Variants in TIGD6 observed in about 807,000 individuals in gnomAD.
TIGD6 encodes tigger transposable element derived 6, also known as tigger transposable element-derived protein 6.
In TIGD6, 1 loss-of-function variant was observed where a neutral mutation model predicts 2.6. That is an observed-to-expected ratio of 0.39 (90% confidence interval 0.14 to 1.85). TIGD6 has a LOEUF of 1.85. Ranked by LOEUF, TIGD6 falls within the 40% of genes most tolerant of loss-of-function variation. TIGD6 has a pLI of 0.32. For missense variants in TIGD6, 601 were observed against 634.2 expected (o/e 0.95, Z 0.56); for synonymous variants, 193 against 221.9 (o/e 0.87, Z 1.16).
chr5:149,996,113 T>A lies in TIGD6; in HGVS notation c.236A>T (p.Asp79Val), dbSNP rs1347806150. ...TTGAAACCAAGCAAAAACAGCCTTATCAATGTCATCATAAAGAGCGCTCCT... is the reference window on the plus strand; with the variant it reads ...TTGAAACCAAGCAAAAACAGCCTTAACAATGTCATCATAAAGAGCGCTCCT... Reference protein sequence around the residue: ...RMRSALYDDIDKAVFAWFQEI... With the variant: ...RMRSALYDDIVKAVFAWFQEI... Residue 79 changes from aspartate to valine, a missense_variant, in exon 2 of 2, where the codon GAT (aspartate) becomes GTT (valine). By Grantham distance (152) the Asp-to-Val change is radical (BLOSUM62 -3). Coordinates refer to ENST00000296736, the MANE Select transcript of TIGD6 (RefSeq NM_030953.4). 1 of 1,614,064 alleles carries A rather than the reference T, an allele frequency of 6.2e-7. No individual in the cohort carries two copies. Among genetic ancestry groups the A allele is most frequent in the Non-Finnish European group, 8.5e-7 (1 of 1,180,044 alleles).
intron 1 of TIGD6, among the ~76,000 whole-genome samples, chr5:149,998,108 G>A (rs1057138917): frequency 1.3e-5 from 2 of 151,898 alleles, no homozygotes; most frequent in Non-Finnish European, 1.5e-5. Flanking sequence ...CCAGCCTGGC[G>A]ACAGAGCGAG....
At chr5:149,998,033 G>C (rs1338216782) in intron 1 of TIGD6, among the ~76,000 whole-genome samples, 1 of 152,214 alleles carries the variant, frequency 6.6e-6, no homozygotes, top group Non-Finnish European at 1.5e-5. Flanking sequence ...GGGAGGCAGA[G>C]GCACAAGAAT....
chr5:149,999,809 AG>A (rs1351643820), intron 1 of TIGD6: 1 of 152,266 alleles, frequency 6.6e-6, no homozygotes, highest in Non-Finnish European at 1.5e-5. Flanking sequence ...AGACATAGAA[AG>A]AGAATGAAGC....
rs140131784 is a variant in TIGD6, at chr5:149,996,078, C to A, written c.271G>T (p.Ala91Ser). Reference protein sequence around the residue: ...AVFAWFQEIHAKNILVTGSVI... With the variant: ...AVFAWFQEIHSKNILVTGSVI... ...GAACCAGTCACAAGAATGTTTTTGG[C>A]ATGGATTTCTTGAAACCAAGCAAAA... is the stretch of plus-strand genomic sequence containing the variant. Residue 91 changes from alanine (A) to serine (S), a missense_variant, in exon 2 of 2, where the codon GCC becomes TCC. By Grantham distance (99) the Ala-to-Ser change is moderately conservative (BLOSUM62 1). Coordinates refer to ENST00000296736, the MANE Select transcript of TIGD6 (RefSeq NM_030953.4). The A allele has an allele frequency of 1.2e-6, 2 of 1,613,822 alleles. No homozygotes were observed. The highest frequency in any genetic ancestry group is 4.5e-5 in the East Asian group (2 of 44,900).
intron 1 of TIGD6, among the ~76,000 whole-genome samples, chr5:149,997,712 C>G (rs891357386): frequency 6.6e-6 from 1 of 151,910 alleles, no homozygotes; most frequent in African/African-American, 2.4e-5. Context: ...GTAATCCCAG[C>G]ACTTTGGGAG....
chr5:149,995,912 A>G lies in TIGD6; in HGVS notation c.437T>C (p.Leu146Ser), dbSNP rs1211480603. The G allele has an allele frequency of 6.2e-7, 1 of 1,613,926 alleles. No homozygotes were observed. Among genetic ancestry groups the G allele is most frequent in the Non-Finnish European group, 8.5e-7 (1 of 1,180,042 alleles). ...KAVCREDSDRLMNGLGIDKIN... is the reference protein window; with the variant it reads ...KAVCREDSDRSMNGLGIDKIN... The stretch of plus-strand genomic sequence containing the variant: ...CTTATCTATTCCTAGACCATTCATT[A>G]ACCTGTCACTATCTTCTCTACAGAC... The change falls in exon 2 of 2, where the codon TTA (leucine) becomes TCA (serine). Residue 146 changes from leucine to serine, a missense_variant. Transcript: ENST00000296736.
At chr5:149,997,124 A>G (rs1462471952) in intron 1 of TIGD6, among the ~76,000 whole-genome samples, 1 of 152,264 alleles carries the variant, frequency 6.6e-6, no homozygotes, top group African/African-American at 2.4e-5. Context: ...AATAAAGACT[A>G]TGACAAAGAA....
chr5:149,994,129 T>G lies in TIGD6; in HGVS notation c.*654A>C, dbSNP rs1755321299. 1 of 152,208 alleles carries G rather than the reference T, an allele frequency of 6.6e-6. No individual in the cohort carries two copies. Among genetic ancestry groups the G allele is most frequent in the Middle Eastern group, 3.2e-3 (1 of 316 alleles). 9.4% of individuals were successfully genotyped at this position (152,208 alleles called of 1,614,324 possible). ...TTGCTTTATTTAAATTGGCTCAATATCCTATCTAAAGCTAGACCAGTGGTT... is the reference window on the plus strand; with the variant it reads ...TTGCTTTATTTAAATTGGCTCAATAGCCTATCTAAAGCTAGACCAGTGGTT... On this transcript the variant is annotated 3_prime_UTR_variant, in exon 2 of 2. Transcript: ENST00000296736.
chr5:149,995,287 G>A lies in TIGD6; in HGVS notation c.1062C>T (p.Asp354=), dbSNP rs746454130. 6.2e-7 allele frequency: 1 copy of A among 1,609,436 alleles called. No individual in the cohort carries two copies. Among genetic ancestry groups the A allele is most frequent in the South Asian group, 1.1e-5 (1 of 90,752 alleles). The stretch of plus-strand genomic sequence containing the variant: ...CTGACCACCACGCTGCAGCAATCAT[G>A]TCGATGGCCTGCTTGATGTCCACCT... ...QEEVDIKQAI[D]MIAAAWWSVK... Residue 354 remains aspartate, a synonymous_variant, in exon 2 of 2, where the codon GAC becomes GAT. Coordinates refer to ENST00000296736, the MANE Select transcript of TIGD6 (RefSeq NM_030953.4).
chr5:149,993,797 T>C lies in TIGD6; in HGVS notation c.*986A>G, dbSNP rs1274946374. 1 of 152,292 alleles carries C rather than the reference T, an allele frequency of 6.6e-6. No individual in the cohort carries two copies. The highest frequency in any genetic ancestry group is 2.4e-5 in the African/African-American group (1 of 41,458). The allele number at this position is 152,292 out of a possible 1,614,324, so 9.4% of individuals were successfully genotyped here. On this transcript the variant is annotated 3_prime_UTR_variant, in exon 2 of 2. Transcript: ENST00000296736. ...AGGCCAGCATGGCAGTGTGCATCAG[T>C]AGTCCCATCTATTTGGGAGGATGGC...
intron 1 of TIGD6, among the ~76,000 whole-genome samples, chr5:149,997,966 A>T (rs10476928): frequency 0.65 from 97,520 of 151,136 alleles, 31,876 homozygotes; most frequent in Non-Finnish European, 0.69. Flanking sequence ...GTCTCAAAAA[A>T]AAATAAATAA....
chr5:149,998,247 A>G (rs1165130271), intron 1 of TIGD6, among the ~76,000 whole-genome samples: 1 of 152,238 alleles, frequency 6.6e-6, no homozygotes, highest in African/African-American at 2.4e-5. Context: ...TGGAAAATGG[A>G]TCAAAGAGGC....
At chr5:149,997,731 G>A (rs562745984) in intron 1 of TIGD6, among the ~76,000 whole-genome samples, 11 of 151,778 alleles carry the variant, frequency 7.2e-5, no homozygotes, top group East Asian at 1.9e-4. Context: ...AGGCCGACGC[G>A]TGTGGATCAC....
At chr5:149,998,116 G>A (rs138629658) in intron 1 of TIGD6, among the ~76,000 whole-genome samples, 21 of 151,414 alleles carry the variant, frequency 1.4e-4, no homozygotes, top group African/African-American at 4.1e-4. Context: ...GCGACAGAGC[G>A]AGCCTCCATC....
rs757286248 is a variant in TIGD6, at chr5:149,996,316, C to A, written c.33G>T (p.Gln11His). 2 of 1,611,214 alleles carry A rather than the reference C, an allele frequency of 1.2e-6. No individual in the cohort carries two copies. Among genetic ancestry groups the A allele is most frequent in the Non-Finnish European group, 1.7e-6 (2 of 1,178,746 alleles). Residue 11 changes from glutamine to histidine, a missense_variant, in exon 2 of 2, where the codon CAG becomes CAT. By Grantham distance (24) the Gln-to-His change is conservative. Transcript: ENST00000296736. The stretch of plus-strand genomic sequence containing the variant: ...CTTTCATTTTCTCCTCCAGAGAGAA[C>A]TGCCGACGCTTCTTGTTCCCCTTGT... MANKGNKKRRQFSLEEKMKVV... is the reference protein window; with the variant it reads MANKGNKKRRHFSLEEKMKVV...
chr5:149,999,119 A>T (rs755143607), intron 1 of TIGD6, among the ~76,000 whole-genome samples: 35 of 152,252 alleles, frequency 2.3e-4, no homozygotes, highest in Non-Finnish European at 4.3e-4. Context: ...CAAGGACCAA[A>T]TCACAGGAAG....
Position 150,000,581 on chromosome 5 carries a change from C to G in TIGD6, c.-189G>C, listed in dbSNP as rs1173211120. On this transcript the variant is annotated 5_prime_UTR_variant, in exon 1 of 2. Transcript: ENST00000296736. ...GACCTCTGGCCGGAAGCAGTCCGTT[C>G]GCCTTACTAGACCCGCTCCAAGCCT... 1.9e-5 allele frequency: 3 copies of G among 154,620 alleles called. No individual in the cohort carries two copies. The highest frequency in any genetic ancestry group is 7.2e-5 in the African/African-American group (3 of 41,530). 9.6% of individuals were successfully genotyped at this position (154,620 alleles called of 1,614,324 possible).
intron 1 of TIGD6, among the ~76,000 whole-genome samples, chr5:149,997,883 C>T (rs1331350246): frequency 2.0e-5 from 3 of 152,148 alleles, no homozygotes; most frequent in Non-Finnish European, 2.9e-5. Context: ...ATGGTGTGAA[C>T]CCGGGAGGCG....
chr5:149,995,392 A>T lies in TIGD6; in HGVS notation c.957T>A (p.Ile319=). 1 of 1,614,218 alleles carries T rather than the reference A, an allele frequency of 6.2e-7. No individual in the cohort carries two copies. Among genetic ancestry groups the T allele is most frequent in the Non-Finnish European group, 8.5e-7 (1 of 1,180,046 alleles). The change falls in exon 2 of 2, where the codon ATT becomes ATA. Residue 319 remains isoleucine, a synonymous_variant. Coordinates refer to ENST00000296736, the MANE Select transcript of TIGD6 (RefSeq NM_030953.4). The part of the protein sequence containing the change: ...AVLQPLNLGI[I]HTMKVLYQSH... Reference sequence around the variant, plus strand: ...TCTGGTACAGTACTTTCATGGTGTGAATTATGCCAAGATTCAGTGGCTGCA... The same window carrying T: ...TCTGGTACAGTACTTTCATGGTGTGTATTATGCCAAGATTCAGTGGCTGCA...
Sources: gnomAD v4.1 joint callset for allele counts (sites outside exome capture counted in the v4.1 genomes callset) on GRCh38, gnomAD v4.1.1 for gene constraint, MANE v1.5 for transcripts, NCBI Gene and HGNC (gene_info 2026-07-23, HGNC 2026-07-21) for gene names.